CNIH3: variants seen among roughly 807,000 people sequenced by gnomAD.
CNIH3 encodes cornichon family AMPA receptor auxiliary protein 3.
CNIH3 carries 14 observed loss-of-function variants against 24.1 expected under a neutral mutation model. The observed-to-expected ratio is 0.58, with a 90% CI of 0.38 to 0.91. CNIH3 has a LOEUF of 0.91. Among genes scored for constraint, CNIH3 ranks in the 40% least tolerant of loss-of-function variants. The probability of loss-of-function intolerance (pLI) is 0.00; values close to 1 mark genes in which losing one functional copy is unlikely to be tolerated. For missense variants in CNIH3, 178 were observed against 196.8 expected, an observed-to-expected ratio of 0.90 and a Z score of 0.57; for synonymous variants, 68 against 73.8, an observed-to-expected ratio of 0.92 and a Z score of 0.40.
downstream of CNIH3, among the ~76,000 whole-genome samples, chr1:224,591,696 G>T (rs1681762616): frequency 6.6e-6 from 1 of 152,166 alleles, no homozygotes; most frequent in Non-Finnish European, 1.5e-5. Flanking sequence ...CTCTCTCCAG[G>T]AAGCCAGCAT....
At chr1:224,549,596 A>T (rs1679834130) in intron 3 of CNIH3, among the ~76,000 whole-genome samples, 1 of 152,132 alleles carries the variant, frequency 6.6e-6, no homozygotes, top group South Asian at 2.1e-4. Context: ...GGCTGTAAAT[A>T]CGGAATATTA....
intron 3 of CNIH3, among the ~76,000 whole-genome samples, chr1:224,689,249 G>A (rs1004585655): frequency 2.6e-5 from 4 of 152,120 alleles, no homozygotes; most frequent in Non-Finnish European, 4.4e-5. Context: ...TAACAGGACC[G>A]TGCTCATAGA....
rs1205631899 is a variant in CNIH3 at position 224,633,910 on chromosome 1, C to G, written c.81+16655C>G. On this transcript the variant is annotated intron_variant, in intron 1 of 5. Coordinates refer to ENST00000272133, the MANE Select transcript of CNIH3 (RefSeq NM_152495.2). Reference sequence around the variant, plus strand: ...CTGTATTCAGGGAAAGCAAGATTTTCTCTAAAGTCAAGATTAACTTCTTGG... The same window carrying G: ...CTGTATTCAGGGAAAGCAAGATTTTGTCTAAAGTCAAGATTAACTTCTTGG... Among the ~76,000 whole-genome samples, 4 of 152,260 alleles carry G rather than the reference C, an allele frequency of 2.6e-5. No homozygotes were observed. The East Asian group carries it at 7.7e-4, about 29-fold the overall frequency.
At chr1:224,552,016 C>A (rs576406584) in intron 3 of CNIH3, among the ~76,000 whole-genome samples, 2 of 151,484 alleles carry the variant, frequency 1.3e-5, no homozygotes, top group Admixed American at 6.6e-5. Context: ...TCTGTGTACG[C>A]CCCGTGTGAT....
intron 3 of CNIH3, among the ~76,000 whole-genome samples, chr1:224,721,953 G>A (rs1210525928): frequency 6.6e-6 from 1 of 152,190 alleles, no homozygotes; most frequent in African/African-American, 2.4e-5. Context: ...GGAAGCCTCA[G>A]GGGTGCTCTC....
At chr1:224,725,863 T>C (rs1479787168) in intron 3 of CNIH3, among the ~76,000 whole-genome samples, 1 of 152,094 alleles carries the variant, frequency 6.6e-6, no homozygotes, top group African/African-American at 2.4e-5. Flanking sequence ...GAAGAATCTC[T>C]CCCACAACCC....
intron 3 of CNIH3, among the ~76,000 whole-genome samples, chr1:224,564,120 C>T (rs1330101948): frequency 6.6e-6 from 1 of 152,210 alleles, no homozygotes; most frequent in African/African-American, 2.4e-5. Context: ...AGTGTACTCT[C>T]TACTGGATAG....
At chr1:224,453,609 G>A (rs141084234) in intron 1 of CNIH3, among the ~76,000 whole-genome samples, 8 of 148,008 alleles carry the variant, frequency 5.4e-5, no homozygotes, top group African/African-American at 1.7e-4. Flanking sequence ...GTTGTTGCAT[G>A]CCTTTGACAA....
intron 1 of CNIH3, among the ~76,000 whole-genome samples, chr1:224,629,587 A>G (rs763055424): frequency 3.3e-5 from 5 of 152,120 alleles, no homozygotes; most frequent in Non-Finnish European, 5.9e-5. Flanking sequence ...TACAGTGGAT[A>G]ATGCTGCTGT....
intron 1 of CNIH3, among the ~76,000 whole-genome samples, chr1:224,517,363 G>A (rs1678433271): frequency 6.6e-6 from 1 of 152,224 alleles, no homozygotes; most frequent in East Asian, 1.9e-4. Context: ...TGTAGGCTGC[G>A]GTGGGGCTGA....
rs1404338744 is a variant in CNIH3, at chr1:224,730,525, T to C, written c.262T>C (p.Trp88Arg). 6.4e-7 allele frequency: 1 copy of C among 1,560,992 alleles called. No individual in the cohort carries two copies. The highest frequency in any genetic ancestry group is 8.7e-7 in the Non-Finnish European group (1 of 1,151,156). ...CATTATGTTCCTGTGTGCGCAAGAGTGGCTCACGCTGGGGCTGAATGTCCC... is the reference window on the plus strand; with the variant it reads ...CATTATGTTCCTGTGTGCGCAAGAGCGGCTCACGCTGGGGCTGAATGTCCC... ...FCIMFLCAQE[W>R]LTLGLNVPLL... is the part of the protein sequence containing the mutation. Residue 88 changes from tryptophan to arginine, a missense_variant, in exon 4 of 6, where the codon TGG becomes CGG. By Grantham distance (101) the Trp-to-Arg change is moderately radical. Transcript: ENST00000272133.
At chr1:224,563,613 C>T (rs1029329939) in intron 3 of CNIH3, among the ~76,000 whole-genome samples, 1 of 152,012 alleles carries the variant, frequency 6.6e-6, no homozygotes, top group African/African-American at 2.4e-5. Context: ...AGATTGGCAT[C>T]CATTAGCCTA....
chr1:224,733,769 CT>C (rs1689454262), intron 4 of CNIH3, among the ~76,000 whole-genome samples: 1 of 152,142 alleles, frequency 6.6e-6, no homozygotes, highest in Middle Eastern at 3.2e-3. Flanking sequence ...TCCAGCTGTA[CT>C]TTGTTCTTGG....
At chr1:224,644,668 C>A (rs1336463297) in intron 1 of CNIH3, among the ~76,000 whole-genome samples, 1 of 152,190 alleles carries the variant, frequency 6.6e-6, no homozygotes, top group Non-Finnish European at 1.5e-5. Context: ...TCCTTTATCC[C>A]ACAGATACCT....
chr1:224,653,884 G>C (rs969606978), intron 1 of CNIH3, among the ~76,000 whole-genome samples: 22 of 152,114 alleles, frequency 1.4e-4, no homozygotes, highest in African/African-American at 5.3e-4. Flanking sequence ...TTTGAGACCA[G>C]CCTGGGCAAT....
chr1:224,714,264 G>A (rs535396262), intron 3 of CNIH3, among the ~76,000 whole-genome samples: 11 of 152,156 alleles, frequency 7.2e-5, no homozygotes, highest in East Asian at 1.9e-4. Flanking sequence ...CTATTTTTCC[G>A]AGTTTTGTTT....
At chr1:224,448,813 G>A (rs1391367107) in intron 1 of CNIH3, among the ~76,000 whole-genome samples, 1 of 152,188 alleles carries the variant, frequency 6.6e-6, no homozygotes, top group East Asian at 1.9e-4. Flanking sequence ...GTATCCATGA[G>A]CTCATGCAAG....
chr1:224,523,385 A>G (rs1347688682), intron 2 of CNIH3, among the ~76,000 whole-genome samples: 3 of 152,254 alleles, frequency 2.0e-5, no homozygotes, highest in East Asian at 3.8e-4. Context: ...AACTATTGCT[A>G]TGTGCAACAA....
intron 1 of CNIH3, among the ~76,000 whole-genome samples, chr1:224,666,040 G>A (rs1316862042): frequency 6.6e-6 from 1 of 152,154 alleles, no homozygotes; most frequent in Admixed American, 6.5e-5. Flanking sequence ...TTCCCAAGGA[G>A]TTCTGAAATG....
Sources: gnomAD v4.1 joint callset for allele counts (sites outside exome capture counted in the v4.1 genomes callset) on GRCh38, gnomAD v4.1.1 for gene constraint, MANE v1.5 for transcripts, NCBI Gene and HGNC (gene_info 2026-07-23, HGNC 2026-07-21) for gene names.